TEP1: variants seen among roughly 807,000 people sequenced by gnomAD.
TEP1 encodes the protein telomerase protein component 1.
In TEP1, 241 loss-of-function variants were observed where a neutral mutation model predicts 306.3. The ratio of observed to expected loss-of-function variants is 0.79; its 90% CI spans 0.71 to 0.88. The LOEUF is 0.88. Ranked by LOEUF, TEP1 falls within the 40% of genes least tolerant of loss-of-function variation. The probability of loss-of-function intolerance (pLI) is 0.00; values close to 1 mark genes in which losing one functional copy is unlikely to be tolerated. For missense variants in TEP1, 3,051 were observed against 3,276.1 expected (o/e 0.93, Z 1.68); for synonymous variants, 1,289 against 1,305.5 (o/e 0.99, Z 0.27).
rs2139054798 is a variant in TEP1 at position 20,381,840 on chromosome 14, T to C, written c.4424+73A>G. The C allele has an allele frequency of 1.9e-6, 3 of 1,576,092 alleles. No individual in the cohort carries two copies. The highest frequency in any genetic ancestry group is 1.8e-5 in the Admixed American group (1 of 54,100). On this transcript the variant is annotated intron_variant, in intron 30 of 54. Coordinates refer to ENST00000262715, the MANE Select transcript of TEP1 (RefSeq NM_007110.5). This position sits in a 1 kb window ranked among gnomAD's most constrained non-coding sequence, Gnocchi z 4.0. Reference sequence around the variant, plus strand: ...TGGTCTGGGAGCCAGTTGTTGAAGCTATACAGAGGGCCCCGGCTCAAAGAA... The same window carrying C: ...TGGTCTGGGAGCCAGTTGTTGAAGCCATACAGAGGGCCCCGGCTCAAAGAA...
rs1878960735 is a variant in TEP1 at position 20,403,882 on chromosome 14, G to C, written c.1035C>G (p.Ser345Arg). 2 of 1,614,082 alleles carry C rather than the reference G, an allele frequency of 1.2e-6. No homozygotes were observed. ...GCTTATTCTTATCTCCCTCAGCCAG[G>C]CTCTGTCAAAGAGAGAGGAGAGACC... ...DWIQVAELYQ[S>R]LAEGDKNKLV... The change falls in exon 6 of 55, where the codon AGC becomes AGG. Residue 345 changes from serine (S) to arginine (R), a missense_variant and splice_region_variant. Physicochemically the swap from Ser to Arg is moderately radical, Grantham distance 110. Around this residue, in one of 3 missense-constraint regions of TEP1, gnomAD observed 1,507 missense variants for 1,550.5 expected, o/e 0.97. Transcript: ENST00000262715.
Position 20,396,604 on chromosome 14 carries a change from C to A in TEP1, c.1659+17G>T. 1 of 1,589,646 alleles carries A rather than the reference C, an allele frequency of 6.3e-7. No individual in the cohort carries two copies. Among genetic ancestry groups the A allele is most frequent in the Non-Finnish European group, 8.6e-7 (1 of 1,160,258 alleles). On this transcript the variant is annotated intron_variant, in intron 10 of 54. Transcript: ENST00000262715. Reference sequence around the variant, plus strand: ...TCTAGTTGCTGGGCCCCATGGCTACCAGCCCCTCACACATACCGCATGCTG... The same window carrying A: ...TCTAGTTGCTGGGCCCCATGGCTACAAGCCCCTCACACATACCGCATGCTG...
intron 1 of TEP1, among the ~76,000 whole-genome samples, chr14:20,412,498 G>T (rs2139229455): frequency 6.6e-6 from 1 of 152,168 alleles, no homozygotes; most frequent in Admixed American, 6.5e-5. Flanking sequence ...AGTAAACATT[G>T]CTCACAGTTT....
intron 9 of TEP1, among the ~76,000 whole-genome samples, chr14:20,399,427 A>C (rs1219403425): frequency 3.3e-5 from 5 of 152,164 alleles, no homozygotes; most frequent in African/African-American, 1.2e-4. Flanking sequence ...TTCCAAAAAA[A>C]TGTTAATGAG....
intron 9 of TEP1, among the ~76,000 whole-genome samples, chr14:20,398,160 A>G (rs1429935803): frequency 1.3e-5 from 2 of 151,992 alleles, no homozygotes; most frequent in Non-Finnish European, 2.9e-5. Flanking sequence ...CAGGCGGATC[A>G]TGAGGTCAGG....
Position 20,367,374 on chromosome 14 carries a change from AAAAAAAAAAAG to A in TEP1, c.*1052_*1062del, listed in dbSNP as rs1566432208. The A allele has an allele frequency of 2.0e-5, 3 of 151,986 alleles. No homozygotes were observed. The highest frequency in any genetic ancestry group is 7.3e-5 in the African/African-American group (3 of 41,350). 9.4% of individuals were successfully genotyped at this position (151,986 alleles called of 1,614,324 possible). On this transcript the variant is annotated 3_prime_UTR_variant, in exon 55 of 55. Coordinates refer to ENST00000262715, the MANE Select transcript of TEP1 (RefSeq NM_007110.5). Reference sequence around the variant, plus strand: ...CCAGACTCTATCTCAAAAACAAAAAAAAAAAAAAAAGGTTTTTTACTTAAGAAAATCAGAGT... The same window carrying A: ...CCAGACTCTATCTCAAAAACAAAAAAGTTTTTTACTTAAGAAAATCAGAGT...
chr14:20,371,348 G>C, intron 50 of TEP1, 34 bp from the exon 51 acceptor site: 1 of 1,604,822 alleles, frequency 6.2e-7, no homozygotes, highest in Non-Finnish European at 8.5e-7. Context: ...TTGAGCTCAG[G>C]ATTTAAAGAG....
At chr14:20,382,813 G>C (rs1054510505) in intron 27 of TEP1, 98 bp from the exon 28 acceptor site, 14 of 1,123,416 alleles carry the variant, frequency 1.2e-5, no homozygotes, top group Non-Finnish European at 1.9e-5. Context: ...CTCCTCCTCT[G>C]AGAGTCCCCA....
At position 20,381,967 on chromosome 14, in the gene TEP1, C is replaced by A. The variant is rs1426104546; in HGVS notation, c.4370G>T (p.Ser1457Ile). The A allele has an allele frequency of 3.1e-6, 5 of 1,614,172 alleles. No homozygotes were observed. The East Asian group carries it at 6.7e-5, about 22-fold the overall frequency. ...SWEEAVAAGN[S>I]GDPYPMGPFA... ...CGGGCCCATGGGGTAGGGGTCTCCACTGTTACCAGCAGCCACTGCTTCTTC... is the reference window on the plus strand; with the variant it reads ...CGGGCCCATGGGGTAGGGGTCTCCAATGTTACCAGCAGCCACTGCTTCTTC... Residue 1457 changes from serine to isoleucine, a missense_variant, in exon 30 of 55, where the codon AGT (serine) becomes ATT (isoleucine). By Grantham distance (142) the Ser-to-Ile change is moderately radical. This residue lies in a region of TEP1 where 1,540 missense variants were observed against 1,705.9 expected (regional missense o/e 0.90). Coordinates refer to ENST00000262715, the MANE Select transcript of TEP1 (RefSeq NM_007110.5). The surrounding 1 kb of genome is among the most constrained non-coding windows in gnomAD (Gnocchi z 4.0).
intron 44 of TEP1, 84 bp downstream of exon 44, chr14:20,374,345 G>A (rs1470513424): frequency 1.2e-6 from 1 of 864,476 alleles, no homozygotes; most frequent in African/African-American, 1.7e-5. Context: ...TTTGCCTCTG[G>A]GATTAGATAC....
At position 20,375,459 on chromosome 14, in the gene TEP1, C is replaced by T. The variant is rs571948833; in HGVS notation, c.6363+296G>A. On this transcript the variant is annotated intron_variant, in intron 43 of 54. Transcript: ENST00000262715. ...GTGAGCCACCGTGCCCAGACCTAGGCTTTCTTATTAGAGAGTTCCCTGGCT... is the reference window on the plus strand; with the variant it reads ...GTGAGCCACCGTGCCCAGACCTAGGTTTTCTTATTAGAGAGTTCCCTGGCT... Among the ~76,000 whole-genome samples, 7 of 152,236 alleles carry T rather than the reference C, an allele frequency of 4.6e-5. No individual in the cohort carries two copies. In the South Asian group the frequency reaches 1.5e-3, roughly 32 times the overall value.
At chr14:20,385,264 ATTTATT>A (rs1487450952) in intron 20 of TEP1, among the ~76,000 whole-genome samples, 155 bp from the exon 21 acceptor site, 2 of 152,078 alleles carry the variant, frequency 1.3e-5, no homozygotes, top group Non-Finnish European at 2.9e-5. Context: ...AATGTTTTTT[ATTTATT>A]TTTATTTTTT....
At chr14:20,371,436 A>G in intron 50 of TEP1, 53 bp downstream of exon 50, 4 of 1,607,202 alleles carry the variant, frequency 2.5e-6, no homozygotes, top group East Asian at 2.2e-5. Flanking sequence ...ATAACCACTA[A>G]CTCAGGTTTC....
At chr14:20,387,882 A>C (rs552658685) in intron 18 of TEP1, 23 bp downstream of exon 18, 1 of 1,560,510 alleles carries the variant, frequency 6.4e-7, no homozygotes, top group Non-Finnish European at 8.6e-7. Context: ...CCAATTCACA[A>C]AGGCATAGAA....
Position 20,371,483 on chromosome 14 carries a change from T to A in TEP1, c.7220+6A>T, listed in dbSNP as rs1432807340. The A allele has an allele frequency of 6.2e-7, 1 of 1,610,108 alleles. No individual in the cohort carries two copies. The highest frequency in any genetic ancestry group is 1.1e-5 in the South Asian group (1 of 90,104). On this transcript the variant is annotated splice_donor_region_variant and intron_variant, in intron 50 of 54. Transcript: ENST00000262715. ...GCTCAGGAGGAAATGGCATTTTGGA[T>A]CTTACCAGATTTCAGATGGAGCATC...
intron 7 of TEP1, 79 bp downstream of exon 7, chr14:20,403,298 C>G: frequency 6.5e-7 from 1 of 1,544,454 alleles, no homozygotes; most frequent in Non-Finnish European, 8.8e-7. Context: ...ATTTTCAACC[C>G]TAATAGAATT....
In TEP1 at chr14:20,367,360, C is replaced by G. The variant is rs1386902271; in HGVS notation, c.*1077G>C. 7.8e-6 allele frequency: 1 copy of G among 128,586 alleles called. No homozygotes were observed. Among genetic ancestry groups the G allele is most frequent in the Non-Finnish European group, 1.6e-5 (1 of 62,766 alleles). The allele number at this position is 128,586 out of a possible 1,614,324, so 8.0% of individuals were successfully genotyped here. A position where few individuals can be genotyped will look rare whatever the true frequency, so the allele number is the denominator to read the frequency against. ...CCTAGGTGACAGAGCCAGACTCTAT[C>G]TCAAAAACAAAAAAAAAAAAAAAAG... On this transcript the variant is annotated 3_prime_UTR_variant, in exon 55 of 55. Coordinates refer to ENST00000262715, the MANE Select transcript of TEP1 (RefSeq NM_007110.5).
At chr14:20,385,784 C>A (rs2139081821) in intron 20 of TEP1, among the ~76,000 whole-genome samples, 1 of 152,338 alleles carries the variant, frequency 6.6e-6, no homozygotes. Flanking sequence ...CACAAAGCCA[C>A]ACAACTTGTA....
In TEP1 at chr14:20,379,979, ACAG is replaced by A; in HGVS notation, c.5075_5077del (p.Ala1692del). ...GTAAACTGTCCCATTGGCAGTGCCC[ACAG>A]CTGCTCTTTGCCCATTGGTGGAGAA... On this transcript the variant is annotated inframe_deletion, in exon 35 of 55. Coordinates refer to ENST00000262715, the MANE Select transcript of TEP1 (RefSeq NM_007110.5). 6.2e-7 allele frequency: 1 copy of A among 1,614,152 alleles called. No homozygotes were observed. Among genetic ancestry groups the A allele is most frequent in the African/African-American group, 1.3e-5 (1 of 75,044 alleles).
Sources: allele counts gnomAD v4.1 joint callset (sites outside exome capture counted in the v4.1 genomes callset), GRCh38; gene constraint gnomAD v4.1.1; regional missense constraint gnomAD v4.1.1; non-coding constraint Gnocchi (gnomAD v3.1); transcripts MANE v1.5; gene names NCBI Gene and HGNC (gene_info 2026-07-23, HGNC 2026-07-21).